STK32B: variants seen among roughly 807,000 people sequenced by gnomAD.
STK32B encodes serine/threonine kinase 32B, also known as serine/threonine-protein kinase 32B.
STK32B carries 43 observed loss-of-function variants against 52.6 expected under a neutral mutation model. The observed-to-expected ratio is 0.82, with a 90% CI of 0.64 to 1.05. The LOEUF is 1.05. Among genes scored for constraint, STK32B ranks in the 50% least tolerant of loss-of-function variants. The probability of loss-of-function intolerance (pLI) is 0.00; values close to 1 mark genes in which losing one functional copy is unlikely to be tolerated. For missense variants in STK32B, 621 were observed against 534.6 expected (o/e 1.16, Z -1.59); for synonymous variants, 238 against 204.3 (o/e 1.17, Z -1.41).
chr4:5,307,068 G>A (rs887104258), intron 3 of STK32B, among the ~76,000 whole-genome samples: 1 of 152,094 alleles, frequency 6.6e-6, no homozygotes, highest in Admixed American at 6.6e-5. Context: ...CAGCTCTTAA[G>A]ATTATTTTCT....
intron 3 of STK32B, among the ~76,000 whole-genome samples, chr4:5,317,049 A>G (rs1420436556): frequency 2.5e-5 from 1 of 39,468 alleles, no homozygotes; most frequent in African/African-American, 1.6e-4. Flanking sequence ...TATTATATAT[A>G]TAATATATAT....
At chr4:5,186,722 C>T (rs991651461) in intron 3 of STK32B, among the ~76,000 whole-genome samples, 8 of 152,166 alleles carry the variant, frequency 5.3e-5, no homozygotes, top group Non-Finnish European at 1.0e-4. Flanking sequence ...AGCGCCTCCT[C>T]GACATACCCA....
At chr4:5,420,074 C>A (rs1358593233) in intron 6 of STK32B, among the ~76,000 whole-genome samples, 8 of 152,242 alleles carry the variant, frequency 5.3e-5, no homozygotes, top group Middle Eastern at 3.4e-3. Flanking sequence ...ACAAGTATTT[C>A]TTTCCATTTT....
intron 3 of STK32B, among the ~76,000 whole-genome samples, chr4:5,224,899 G>T (rs1723768505): frequency 6.6e-6 from 1 of 152,026 alleles, no homozygotes; most frequent in South Asian, 2.1e-4. Flanking sequence ...ACAACACTTG[G>T]CAAATAGTAA....
At chr4:5,159,285 C>A (rs1376264185) in intron 2 of STK32B, among the ~76,000 whole-genome samples, 1 of 151,934 alleles carries the variant, frequency 6.6e-6, no homozygotes, top group East Asian at 1.9e-4. Flanking sequence ...TGTGCTCACA[C>A]TCTTTAAGGG....
At chr4:5,184,933 C>G (rs774555726) in intron 3 of STK32B, among the ~76,000 whole-genome samples, 1 of 152,146 alleles carries the variant, frequency 6.6e-6, no homozygotes, top group Non-Finnish European at 1.5e-5. Context: ...GAAAATGAGG[C>G]GTGCCTGTGT....
intron 7 of STK32B, among the ~76,000 whole-genome samples, chr4:5,455,671 C>T (rs560893382): frequency 2.0e-5 from 3 of 152,172 alleles, no homozygotes; most frequent in South Asian, 4.2e-4. Flanking sequence ...TCAGGGTCAG[C>T]GTTCGCTCAG....
At chr4:5,345,049 TA>T (rs990623609) in intron 4 of STK32B, among the ~76,000 whole-genome samples, 213 of 143,938 alleles carry the variant, frequency 1.5e-3, no homozygotes, top group South Asian at 3.8e-3. Context: ...ATAATATAAT[TA>T]AAAAAAAAAA....
At chr4:5,165,796 G>A (rs1209330669) in intron 2 of STK32B, among the ~76,000 whole-genome samples, 1 of 152,168 alleles carries the variant, frequency 6.6e-6, no homozygotes, top group East Asian at 1.9e-4. Flanking sequence ...CTGGAAATGG[G>A]TGTTCTGTGG....
intron 6 of STK32B, among the ~76,000 whole-genome samples, chr4:5,439,672 C>T (rs1714513641): frequency 6.6e-6 from 1 of 152,148 alleles, no homozygotes; most frequent in Admixed American, 6.5e-5. Context: ...ACATGAAGTC[C>T]TTGCCCTTGC....
intron 1 of STK32B, among the ~76,000 whole-genome samples, chr4:5,082,864 A>G (rs564046297): frequency 6.6e-6 from 1 of 152,336 alleles, no homozygotes; most frequent in African/African-American, 2.4e-5. Context: ...TCTCCTATGC[A>G]TAGATATTTT....
At chr4:5,382,953 C>A (rs956241226) in intron 4 of STK32B, among the ~76,000 whole-genome samples, 1 of 152,196 alleles carries the variant, frequency 6.6e-6, no homozygotes, top group Non-Finnish European at 1.5e-5. Context: ...GACTCTTATG[C>A]GTTTTGGCAG....
intron 3 of STK32B, among the ~76,000 whole-genome samples, chr4:5,216,973 GTGTA>G (rs1266908975): frequency 1.3e-5 from 2 of 152,214 alleles, no homozygotes; most frequent in Non-Finnish European, 2.9e-5. Context: ...CTCACAAGGT[GTGTA>G]TGTGAGTGTG....
the STK32B span, among the ~76,000 whole-genome samples, chr4:5,023,712 C>T: frequency 6.6e-6 from 1 of 152,186 alleles, no homozygotes; most frequent in African/African-American, 2.4e-5. Context: ...CAAGACCCTT[C>T]AATTACATCA....
intron 11 of STK32B, among the ~76,000 whole-genome samples, chr4:5,492,332 T>C (rs1719806780): frequency 6.6e-6 from 1 of 152,196 alleles, no homozygotes; most frequent in South Asian, 2.1e-4. Context: ...TTTTATTCTC[T>C]TTGAAGCAAT....
chr4:5,499,166 C>T lies in STK32B; in HGVS notation c.*83C>T. The T allele has an allele frequency of 6.8e-7, 1 of 1,468,106 alleles. No homozygotes were observed. Among genetic ancestry groups the T allele is most frequent in the Non-Finnish European group, 9.1e-7 (1 of 1,101,848 alleles). 90.9% of individuals were successfully genotyped at this position (1,468,106 alleles called of 1,614,324 possible). A position where few individuals can be genotyped will look rare whatever the true frequency, so the allele number is the denominator to read the frequency against. On this transcript the variant is annotated 3_prime_UTR_variant, in exon 12 of 12. Coordinates refer to ENST00000282908, the MANE Select transcript of STK32B (RefSeq NM_018401.3). Reference sequence around the variant, plus strand: ...GCCCCTCTTTGTGCCCTGATGGTCCCTGTCTCACCCCTGAAAACATCAGAT... The same window carrying T: ...GCCCCTCTTTGTGCCCTGATGGTCCTTGTCTCACCCCTGAAAACATCAGAT...
chr4:5,423,788 G>GGGT (rs1032778793), intron 6 of STK32B, among the ~76,000 whole-genome samples: 1 of 152,154 alleles, frequency 6.6e-6, no homozygotes, highest in Non-Finnish European at 1.5e-5. Context: ...GAGTCCAGAG[G>GGGT]GGTGGTGGTG....
intron 3 of STK32B, among the ~76,000 whole-genome samples, chr4:5,173,095 G>A (rs900911776): frequency 3.3e-5 from 5 of 152,230 alleles, no homozygotes; most frequent in South Asian, 2.1e-4. Context: ...GTTTATTTGC[G>A]TAGAGGTGTT....
rs555741943 is a variant in STK32B, at chr4:5,394,424, A to G, written c.435-3783A>G. On this transcript the variant is annotated intron_variant, in intron 4 of 11. Coordinates refer to ENST00000282908, the MANE Select transcript of STK32B (RefSeq NM_018401.3). This position sits in a 1 kb window ranked among gnomAD's most constrained non-coding sequence, Gnocchi z 4.2. ...TCAATGTGAAAAATAGAGCTGGAGG[A>G]AACGGTCCTGAAACTGGCTAAACTA... 3.3e-5 allele frequency among the ~76,000 whole-genome samples: 5 copies of G among 152,336 alleles called. No individual in the cohort carries two copies. The highest frequency in any genetic ancestry group is 9.6e-5 in the African/African-American group (4 of 41,572).
Sources: gnomAD v4.1 joint callset for allele counts (sites outside exome capture counted in the v4.1 genomes callset) on GRCh38, gnomAD v4.1.1 for gene constraint, Gnocchi (gnomAD v3.1) non-coding constraint, MANE v1.5 for transcripts, NCBI Gene and HGNC (gene_info 2026-07-23, HGNC 2026-07-21) for gene names.